NEUROD1: variants seen among roughly 807,000 people sequenced by gnomAD.
The protein encoded by NEUROD1 is neuronal differentiation 1, also known as neurogenic differentiation factor 1.
In NEUROD1, 9 loss-of-function variants were observed where a neutral mutation model predicts 21.8. The ratio of observed to expected loss-of-function variants is 0.41; its 90% confidence interval spans 0.25 to 0.72. The LOEUF (loss-of-function observed/expected upper bound fraction) is 0.72. Among genes scored for constraint, NEUROD1 ranks in the 30% least tolerant of loss-of-function variants. The pLI is 0.31. For missense variants in NEUROD1, 434 were observed against 468.8 expected (o/e 0.93, Z 0.69); for synonymous variants, 199 against 186.2 (o/e 1.07, Z -0.56).
At position 181,678,068 on chromosome 2, in the gene NEUROD1, T is replaced by G. The variant is rs761826783; in HGVS notation, c.793A>C (p.Thr265Pro). Residue 265 changes from threonine (T) to proline (P), a missense_variant, in exon 2 of 2, where the codon ACC (threonine) becomes CCC (proline). Thr to Pro is a conservative substitution (Grantham distance 38). Coordinates refer to ENST00000295108, the MANE Select transcript of NEUROD1 (RefSeq NM_002500.5). This position sits in a 1 kb window ranked among gnomAD's most constrained non-coding sequence, Gnocchi z 5.5. ...AGGGGTCCATCAAAGGAAGGGCTGGTGCAATCAGTCAGAGGGCTTTCAAAG... is the reference window on the plus strand; with the variant it reads ...AGGGGTCCATCAAAGGAAGGGCTGGGGCAATCAGTCAGAGGGCTTTCAAAG... ...PFFESPLTDCTSPSFDGPLSP... is the reference protein window; with the variant it reads ...PFFESPLTDCPSPSFDGPLSP... The G allele has an allele frequency of 3.1e-6, 5 of 1,614,168 alleles. No homozygotes were observed. The highest frequency in any genetic ancestry group is 3.4e-6 in the Non-Finnish European group (4 of 1,180,032).
rs766417133 is a variant in NEUROD1 at position 181,678,589 on chromosome 2, ATCT to A, written c.269_271del (p.Lys90del). 58 of 1,613,904 alleles carry A rather than the reference ATCT, an allele frequency of 3.6e-5. No individual in the cohort carries two copies. Among genetic ancestry groups the A allele is most frequent in the South Asian group, 2.2e-5 (2 of 91,078 alleles). ...AAAACGCTCCAGGCGAGCCTTAGTC[ATCT>A]TCTTCTTTTTGGGGCCGCGTCTCTT... On this transcript the variant is annotated inframe_deletion, in exon 2 of 2. Coordinates refer to ENST00000295108, the MANE Select transcript of NEUROD1 (RefSeq NM_002500.5). The surrounding 1 kb of genome is among the most constrained non-coding windows in gnomAD (Gnocchi z 5.5).
downstream of NEUROD1, among the ~76,000 whole-genome samples, chr2:181,671,723 C>G (rs563957635): frequency 1.1e-3 from 175 of 152,248 alleles, no homozygotes; most frequent in African/African-American, 4.0e-3. Flanking sequence ...TGAGCCACTG[C>G]ACCCAACCAC....
chr2:181,669,813 A>G (rs189653063), downstream of NEUROD1, among the ~76,000 whole-genome samples: 492 of 152,360 alleles, frequency 3.2e-3, 3 homozygotes, highest in African/African-American at 0.011. Context: ...ACCAAAACTT[A>G]TAATGAAATA....
downstream of NEUROD1, among the ~76,000 whole-genome samples, chr2:181,671,734 C>T (rs576888752): frequency 4.0e-4 from 61 of 152,166 alleles, no homozygotes; most frequent in African/African-American, 1.2e-3. Flanking sequence ...ACCCAACCAC[C>T]GAATTTTCTT....
chr2:181,671,556 G>A (rs535143561), downstream of NEUROD1, among the ~76,000 whole-genome samples: 9 of 151,806 alleles, frequency 5.9e-5, no homozygotes, highest in South Asian at 8.3e-4. Flanking sequence ...TGAGCCTCCC[G>A]AGTAGCTGGG....
downstream of NEUROD1, among the ~76,000 whole-genome samples, chr2:181,675,308 C>G (rs1204223488): frequency 6.6e-6 from 1 of 152,078 alleles, no homozygotes; most frequent in Non-Finnish European, 1.5e-5. Context: ...CGAAGTATTC[C>G]TTACTGCTTC....
exon 2 of NEUROD1, among the ~76,000 whole-genome samples, chr2:181,670,700 C>T (rs1320952002): frequency 6.6e-6 from 1 of 152,062 alleles, no homozygotes; most frequent in Non-Finnish European, 1.5e-5. Context: ...TCTTTCCCAG[C>T]TTCTGATGTG....
chr2:181,672,803 G>A (rs891208358), downstream of NEUROD1, among the ~76,000 whole-genome samples: 1 of 152,234 alleles, frequency 6.6e-6, no homozygotes, highest in Non-Finnish European at 1.5e-5. Context: ...GATGAAATAT[G>A]AAAGTGAATG....
rs936727666 is a variant in NEUROD1 at position 181,678,987 on chromosome 2, A to C, written c.-11-116T>G. ...ACCTGTACAAATGCTTGCGAAAAGT[A>C]CCTGCCCATTACAAAATGAATGCCT... On this transcript the variant is annotated intron_variant, in intron 1 of 1. Coordinates refer to ENST00000295108, the MANE Select transcript of NEUROD1 (RefSeq NM_002500.5). This position sits in a 1 kb window ranked among gnomAD's most constrained non-coding sequence, Gnocchi z 5.5. The C allele has an allele frequency of 1.8e-5, 23 of 1,257,054 alleles. No homozygotes were observed. In the East Asian group the frequency reaches 5.6e-4, roughly 30 times the overall value. The allele number at this position is 1,257,054 out of a possible 1,614,324, so 77.9% of individuals were successfully genotyped here.
rs1315367837 is a variant in NEUROD1, at chr2:181,676,578, A to G, written c.*1212T>C. The G allele has an allele frequency of 2.0e-5, 3 of 152,638 alleles. No individual in the cohort carries two copies. The highest frequency in any genetic ancestry group is 4.4e-5 in the Non-Finnish European group (3 of 68,010). 9.5% of individuals were successfully genotyped at this position (152,638 alleles called of 1,614,324 possible). On this transcript the variant is annotated 3_prime_UTR_variant, in exon 2 of 2. Transcript: ENST00000295108. ...TACAGTACAGATCGATTCCAGTGGT[A>G]CCAGCATCACATCTCAAACAGCACT...
rs1476152953 is a variant in NEUROD1 at position 181,677,862 on chromosome 2, A to G, written c.999T>C (p.Ile333=). Reference sequence around the variant, plus strand: ...GATGTGAATGGCTATCGAAGGACATAATATTGTCTATGGGGATCTCGCAGC... The same window carrying G: ...GATGTGAATGGCTATCGAAGGACATGATATTGTCTATGGGGATCTCGCAGC... ...APRCEIPIDN[I]MSFDSHSHHE... is the part of the protein sequence containing the mutation. The change falls in exon 2 of 2, where the codon ATT becomes ATC. Residue 333 remains isoleucine, a synonymous_variant. Transcript: ENST00000295108. 6.2e-7 allele frequency: 1 copy of G among 1,614,184 alleles called. No homozygotes were observed. Among genetic ancestry groups the G allele is most frequent in the Admixed American group, 1.7e-5 (1 of 60,030 alleles).
At chr2:181,679,710 C>T (rs1688663306) in intron 1 of NEUROD1, among the ~76,000 whole-genome samples, 1 of 152,224 alleles carries the variant, frequency 6.6e-6, no homozygotes, top group Admixed American at 6.5e-5. Context: ...TGGGGCTTTT[C>T]AAAGTTCGCC....
chr2:181,677,037 G>GA lies in NEUROD1; in HGVS notation c.*752dup, dbSNP rs897044991. The GA allele has an allele frequency of 4.1e-4, 58 of 143,166 alleles. 1 individual carries two copies. Among genetic ancestry groups the GA allele is most frequent in the African/African-American group, 1.5e-3 (57 of 39,302 alleles). The allele number at this position is 143,166 out of a possible 1,614,324, so 8.9% of individuals were successfully genotyped here. Reference sequence around the variant, plus strand: ...GTATCTCTTAATTTTTTCTTCTCTTGAAAATTATGATTCTGGTTTTTATTT... The same window carrying GA: ...GTATCTCTTAATTTTTTCTTCTCTTGAAAAATTATGATTCTGGTTTTTATTT... On this transcript the variant is annotated 3_prime_UTR_variant, in exon 2 of 2. Coordinates refer to ENST00000295108, the MANE Select transcript of NEUROD1 (RefSeq NM_002500.5).
At chr2:181,675,993 G>A (rs1688562609), downstream of NEUROD1, among the ~76,000 whole-genome samples, 1 of 152,104 alleles carries the variant, frequency 6.6e-6, no homozygotes, top group African/African-American at 2.4e-5. Flanking sequence ...AAACTGTTTA[G>A]TTCAGAAAAA....
intron 1 of NEUROD1, among the ~76,000 whole-genome samples, chr2:181,679,438 G>A (rs1574089702): frequency 6.6e-6 from 1 of 152,230 alleles, no homozygotes; most frequent in East Asian, 1.9e-4. Context: ...CAGAAAGGAG[G>A]AAAAATAGTT....
chr2:181,675,146 A>G (rs759346517), downstream of NEUROD1, among the ~76,000 whole-genome samples: 10 of 152,264 alleles, frequency 6.6e-5, no homozygotes, highest in Non-Finnish European at 1.5e-4. Context: ...GCTTGATTCC[A>G]AAATAACAAC....
Position 181,678,911 on chromosome 2 carries a change from GA to G in NEUROD1, c.-11-41del, listed in dbSNP as rs752269530. The G allele has an allele frequency of 6.2e-7, 1 of 1,609,008 alleles. No homozygotes were observed. Among genetic ancestry groups the G allele is most frequent in the East Asian group, 2.2e-5 (1 of 44,884 alleles). ...GGAGAGGCAAACAGAAAGAAAAGCAGAAAAACGCTATATTCAAAAGCCAGAT... is the reference window on the plus strand; with the variant it reads ...GGAGAGGCAAACAGAAAGAAAAGCAGAAAACGCTATATTCAAAAGCCAGAT... On this transcript the variant is annotated intron_variant, in intron 1 of 1. Transcript: ENST00000295108. The surrounding 1 kb of genome is among the most constrained non-coding windows in gnomAD (Gnocchi z 5.5).
Position 181,678,734 on chromosome 2 carries a change from G to A in NEUROD1, c.127C>T (p.Leu43Phe), listed in dbSNP as rs771488308. The A allele has an allele frequency of 2.9e-5, 47 of 1,612,196 alleles. 1 individual carries two copies. The South Asian group carries it at 4.9e-4, about 17-fold the overall frequency. ...TCCTCCTCTGCGTTCATGGTTTCGAGGTCGTCCTCCTTCTTGTCTGCCTCG... is the reference window on the plus strand; with the variant it reads ...TCCTCCTCTGCGTTCATGGTTTCGAAGTCGTCCTCCTTCTTGTCTGCCTCG... Reference protein sequence around the residue: ...EHEADKKEDDLETMNAEEDSL... With the variant: ...EHEADKKEDDFETMNAEEDSL... Residue 43 changes from leucine (L) to phenylalanine (F), a missense_variant, in exon 2 of 2, where the codon CTC becomes TTC. Transcript: ENST00000295108. This position sits in a 1 kb window ranked among gnomAD's most constrained non-coding sequence, Gnocchi z 5.5.
At chr2:181,680,398 C>G (rs1295245676) in intron 1 of NEUROD1, 32 bp downstream of exon 1, 1 of 152,098 alleles carries the variant, frequency 6.6e-6, no homozygotes, top group East Asian at 1.9e-4. Context: ...TGCTTCTATT[C>G]TGGGGCAAAA....
Sources: allele counts gnomAD v4.1 joint callset (sites outside exome capture counted in the v4.1 genomes callset), GRCh38; gene constraint gnomAD v4.1.1; non-coding constraint Gnocchi (gnomAD v3.1); transcripts MANE v1.5; gene names NCBI Gene and HGNC (gene_info 2026-07-23, HGNC 2026-07-21).